MSH4: variants seen among roughly 807,000 people sequenced by gnomAD.
The protein encoded by MSH4 is mutS homolog 4, also known as mutS protein homolog 4.
Under a neutral mutation model 113.7 loss-of-function variants are expected in MSH4, and 106 were observed. The ratio of observed to expected loss-of-function variants is 0.93; its 90% confidence interval spans 0.80 to 1.10. The LOEUF (loss-of-function observed/expected upper bound fraction) is 1.10, where lower values mean the gene tolerates loss of function less well. Ranked by LOEUF, MSH4 falls within the 50% of genes least tolerant of loss-of-function variation. The probability of loss-of-function intolerance (pLI) is 0.00; values close to 1 mark genes in which losing one functional copy is unlikely to be tolerated. For synonymous variants in MSH4, 368 were observed against 380.2 expected, an observed-to-expected ratio of 0.97 and a Z score of 0.37; for missense variants, 1,061 against 1,093.7, an observed-to-expected ratio of 0.97 and a Z score of 0.42.
chr1:75,863,639 G>A (rs992352980), intron 8 of MSH4, among the ~76,000 whole-genome samples: 1 of 152,020 alleles, frequency 6.6e-6, no homozygotes, highest in African/African-American at 2.4e-5. Context: ...TGTAATTTGT[G>A]TATCTAATTA....
chr1:75,860,750 T>G (rs1434568878), intron 8 of MSH4, among the ~76,000 whole-genome samples: 1 of 152,210 alleles, frequency 6.6e-6, no homozygotes, highest in Non-Finnish European at 1.5e-5. Context: ...TTGGGGTTGC[T>G]CTTCTTGAGG....
intron 9 of MSH4, among the ~76,000 whole-genome samples, chr1:75,874,438 A>G (rs6699682): frequency 0.76 from 115,917 of 151,942 alleles, 44,381 homozygotes; most frequent in East Asian, 0.99. Flanking sequence ...GTAATCCTCC[A>G]ACCTTTCCTG....
At chr1:75,866,636 A>G (rs1651567498) in intron 8 of MSH4, among the ~76,000 whole-genome samples, 1 of 152,150 alleles carries the variant, frequency 6.6e-6, no homozygotes, top group Non-Finnish European at 1.5e-5. Flanking sequence ...GCATATGGTC[A>G]CAGAACAGTC....
rs34304425 is a variant in MSH4, at chr1:75,902,673, GTATATATATATATATA to G, written c.2619+3014_2619+3029del. On this transcript the variant is annotated intron_variant, in intron 19 of 19. Transcript: ENST00000263187. Reference sequence around the variant, plus strand: ...AGGTACAGGTGTTATATATGTGTATGTATATATATATATATATATATATATATATATATATATATAT... The same window carrying G: ...AGGTACAGGTGTTATATATGTGTATGTATATATATATATATATATATATAT... 3.2e-3 allele frequency among the ~76,000 whole-genome samples: 287 copies of G among 90,140 alleles called. 3 individuals are homozygous for G. Among genetic ancestry groups the G allele is most frequent in the East Asian group, 0.011 (12 of 1,060 alleles). The allele number at this position is 90,140 out of a possible 152,430, so 59.1% of individuals were successfully genotyped here. A position where few individuals can be genotyped will look rare whatever the true frequency, so the allele number is the denominator to read the frequency against.
Position 75,808,729 on chromosome 1 carries a change from T to G in MSH4, c.588+1588T>G, listed in dbSNP as rs1650121411. ...TACTGAACTGTATTTGAATTTTATT[T>G]TTTCAGAGGTAAAGAAAACTAGTAT... On this transcript the variant is annotated intron_variant, in intron 3 of 19. Coordinates refer to ENST00000263187, the MANE Select transcript of MSH4 (RefSeq NM_002440.4). Among the ~76,000 whole-genome samples, 3 of 152,260 alleles carry G rather than the reference T, an allele frequency of 2.0e-5. No individual in the cohort carries two copies. In the South Asian group the frequency reaches 6.2e-4, roughly 32 times the overall value.
intron 8 of MSH4, among the ~76,000 whole-genome samples, chr1:75,860,553 G>T (rs915601959): frequency 3.9e-5 from 6 of 152,152 alleles, no homozygotes; most frequent in African/African-American, 1.4e-4. Flanking sequence ...GAAATTATGG[G>T]TTGAAAATTC....
At chr1:75,868,455 T>C (rs1030885910) in intron 9 of MSH4, among the ~76,000 whole-genome samples, 1 of 152,234 alleles carries the variant, frequency 6.6e-6, no homozygotes. Flanking sequence ...CTCATTAACT[T>C]TTAAATACTA....
At chr1:75,852,938 A>G (rs149256214) in intron 8 of MSH4, among the ~76,000 whole-genome samples, 93 of 152,312 alleles carry the variant, frequency 6.1e-4, no homozygotes, top group Admixed American at 1.7e-3. Flanking sequence ...TTCATCACCC[A>G]GTATGATTAT....
rs771380183 is a variant in MSH4 at position 75,912,715 on chromosome 1, C to T, written c.2639C>T (p.Pro880Leu). The T allele has an allele frequency of 2.4e-5, 37 of 1,542,578 alleles. No individual in the cohort carries two copies. The Middle Eastern group carries it at 5.1e-4, about 21-fold the overall frequency. The change falls in exon 20 of 20, where the codon CCT (proline) becomes CTT (leucine). Residue 880 changes from proline to leucine, a missense_variant. Physicochemically the swap from Pro to Leu is moderately conservative, Grantham distance 98. Coordinates refer to ENST00000263187, the MANE Select transcript of MSH4 (RefSeq NM_002440.4). ...RQILQNQRST[P>L]EMERQRAVYH... ...TGACAGCAAAACCAAAGGAGTACCC[C>T]TGAGATGGAAAGACAGAGAGCTGTG...
chr1:75,829,210 A>G (rs1432071797), intron 7 of MSH4, among the ~76,000 whole-genome samples: 2 of 152,162 alleles, frequency 1.3e-5, no homozygotes, highest in Admixed American at 6.5e-5. Context: ...CTGAGATCGA[A>G]CTGCAAGGTG....
chr1:75,884,836 G>A (rs1652026704), intron 15 of MSH4, among the ~76,000 whole-genome samples: 1 of 151,718 alleles, frequency 6.6e-6, no homozygotes, highest in Non-Finnish European at 1.5e-5. Context: ...TATTGATTTT[G>A]TAGGTTTATT....
chr1:75,807,320 T>C (rs1650092221), intron 3 of MSH4, among the ~76,000 whole-genome samples, 179 bp downstream of exon 3: 1 of 152,242 alleles, frequency 6.6e-6, no homozygotes, highest in Admixed American at 6.5e-5. Flanking sequence ...TTTTTAAATA[T>C]ATTTTGTCCA....
intron 17 of MSH4, among the ~76,000 whole-genome samples, chr1:75,896,414 G>T: frequency 7.0e-6 from 1 of 142,712 alleles, no homozygotes; most frequent in African/African-American, 2.6e-5. Flanking sequence ...CTCTTTCTCT[G>T]GAGAACCCCA....
chr1:75,834,070 C>T (rs182990450), intron 7 of MSH4, among the ~76,000 whole-genome samples: 1 of 152,252 alleles, frequency 6.6e-6, no homozygotes, highest in East Asian at 1.9e-4. Context: ...CTACAAAGAA[C>T]TTAAACAAAT....
chr1:75,878,963 T>G, intron 11 of MSH4, 29 bp from the exon 12 acceptor site: 3 of 1,579,650 alleles, frequency 1.9e-6, no homozygotes, highest in Non-Finnish European at 2.6e-6. Flanking sequence ...TTTTGTTTTG[T>G]TTTTGTTTTT....
chr1:75,909,072 C>T (rs1347348343), intron 19 of MSH4, among the ~76,000 whole-genome samples: 4 of 152,124 alleles, frequency 2.6e-5, no homozygotes, highest in Non-Finnish European at 5.9e-5. Flanking sequence ...CTCTAGCTGC[C>T]CTCAGGCGGT....
At chr1:75,876,742 A>G (rs1330331020) in intron 9 of MSH4, among the ~76,000 whole-genome samples, 194 bp from the exon 10 acceptor site, 1 of 151,972 alleles carries the variant, frequency 6.6e-6, no homozygotes, top group Non-Finnish European at 1.5e-5. Context: ...TTAGCCATGT[A>G]CTCTTTATTT....
chr1:75,806,765 T>G (rs1466022135), intron 2 of MSH4, among the ~76,000 whole-genome samples: 1 of 152,040 alleles, frequency 6.6e-6, no homozygotes, highest in Non-Finnish European at 1.5e-5. Flanking sequence ...TTTGGGCCAA[T>G]TTTTCAAGCT....
intron 8 of MSH4, 48 bp from the exon 9 acceptor site, chr1:75,867,466 A>G (rs1651611822): frequency 3.0e-6 from 3 of 997,836 alleles, no homozygotes; most frequent in Non-Finnish European, 4.7e-6. Flanking sequence ...CCATTGTTCT[A>G]TTAAATATTT....
Sources: gnomAD v4.1 joint callset for allele counts (sites outside exome capture counted in the v4.1 genomes callset) on GRCh38, gnomAD v4.1.1 for gene constraint, MANE v1.5 for transcripts, NCBI Gene and HGNC (gene_info 2026-07-23, HGNC 2026-07-21) for gene names.